The following ARK2C variants were observed in gnomAD, a reference collection of about 807,000 sequenced individuals.
ARK2C encodes E3 ubiquitin-protein ligase ARK2C.
the ARK2C span, among the ~76,000 whole-genome samples, chr18:46,425,173 G>A: frequency 6.6e-6 from 1 of 152,200 alleles, no homozygotes; most frequent in African/African-American, 2.4e-5. Context: ...CGGGAAACCT[G>A]ACACCTGAGA....
At chr18:46,443,436 C>T in the ARK2C span, among the ~76,000 whole-genome samples, 1 of 152,198 alleles carries the variant, frequency 6.6e-6, no homozygotes. Flanking sequence ...CAACAGCATA[C>T]TTCCATTACC....
At chr18:46,347,211 C>A in the ARK2C span, among the ~76,000 whole-genome samples, 2 of 152,228 alleles carry the variant, frequency 1.3e-5, no homozygotes, top group Admixed American at 1.3e-4. Flanking sequence ...CCCATGTAGG[C>A]CCAGATCTGA....
At chr18:46,452,280 T>C in the ARK2C span, among the ~76,000 whole-genome samples, 3 of 152,168 alleles carry the variant, frequency 2.0e-5, no homozygotes, top group African/African-American at 7.2e-5. Context: ...TTTTTGCTTA[T>C]TATTGTTATT....
the ARK2C span, among the ~76,000 whole-genome samples, chr18:46,342,061 G>C: frequency 6.6e-6 from 1 of 152,168 alleles, no homozygotes; most frequent in Non-Finnish European, 1.5e-5. Flanking sequence ...TCTGCAAAGA[G>C]GGGTTTTTTC....
At chr18:46,405,568 G>A in the ARK2C span, among the ~76,000 whole-genome samples, 1 of 152,156 alleles carries the variant, frequency 6.6e-6, no homozygotes, top group African/African-American at 2.4e-5. Context: ...GGGCGAAGGA[G>A]ACAGCGCAAG....
chr18:46,452,792 A>C, the ARK2C span, among the ~76,000 whole-genome samples: 2 of 152,106 alleles, frequency 1.3e-5, no homozygotes, highest in African/African-American at 4.8e-5. Context: ...CCTAGGGTGC[A>C]TTGGTCGAGA....
chr18:46,434,591 T>C, the ARK2C span, among the ~76,000 whole-genome samples: 2 of 152,170 alleles, frequency 1.3e-5, no homozygotes, highest in Admixed American at 6.5e-5. Context: ...CAAATAGCCT[T>C]ATAGTATTAT....
At chr18:46,456,520 C>T in the ARK2C span, 1 of 1,609,986 alleles carries the variant, frequency 6.2e-7, no homozygotes, top group Non-Finnish European at 8.5e-7. Flanking sequence ...CTCTTCCAGA[C>T]GCCTACCCTG....
At chr18:46,359,308 C>T in the ARK2C span, among the ~76,000 whole-genome samples, 11 of 152,086 alleles carry the variant, frequency 7.2e-5, no homozygotes, top group South Asian at 2.1e-4. Flanking sequence ...GTTCACAAAA[C>T]GATGAACGTG....
the ARK2C span, among the ~76,000 whole-genome samples, chr18:46,341,266 A>G: frequency 7.7e-6 from 1 of 130,280 alleles, no homozygotes; most frequent in Non-Finnish European, 1.6e-5. Flanking sequence ...CTGTTTAAAC[A>G]GTTTATTCTG....
At chr18:46,440,522 G>C in the ARK2C span, among the ~76,000 whole-genome samples, 1 of 152,086 alleles carries the variant, frequency 6.6e-6, no homozygotes, top group African/African-American at 2.4e-5. Context: ...GGAGAAACTA[G>C]TATATTTGGA....
chr18:46,370,570 C>G, the ARK2C span, among the ~76,000 whole-genome samples: 1 of 152,174 alleles, frequency 6.6e-6, no homozygotes, highest in African/African-American at 2.4e-5. Flanking sequence ...TGTGTCTGGT[C>G]CCAGGTGGCA....
chr18:46,378,188 T>C, the ARK2C span, among the ~76,000 whole-genome samples: 25,595 of 152,252 alleles, frequency 0.17, 2,636 homozygotes, highest in East Asian at 0.24. Flanking sequence ...TCAATTTATA[T>C]TGGGGAAGCA....
At chr18:46,415,344 C>A in the ARK2C span, among the ~76,000 whole-genome samples, 1 of 152,044 alleles carries the variant, frequency 6.6e-6, no homozygotes, top group Non-Finnish European at 1.5e-5. Flanking sequence ...CACGGTGAAA[C>A]CCCATCTCTA....
chr18:46,389,076 G>A, the ARK2C span, among the ~76,000 whole-genome samples: 1 of 152,160 alleles, frequency 6.6e-6, no homozygotes, highest in Non-Finnish European at 1.5e-5. Context: ...ATTGGAGGGG[G>A]AAGACAGGCT....
chr18:46,361,035 A>C, the ARK2C span, among the ~76,000 whole-genome samples: 1 of 152,236 alleles, frequency 6.6e-6, no homozygotes, highest in Non-Finnish European at 1.5e-5. Flanking sequence ...TTAAGACTCC[A>C]GCTAACCTCT....
chr18:46,439,894 G>A, the ARK2C span, among the ~76,000 whole-genome samples: 2 of 152,092 alleles, frequency 1.3e-5, no homozygotes, highest in African/African-American at 2.4e-5. Flanking sequence ...GAAGTGGCAC[G>A]ATCTTGGTTC....
the ARK2C span, among the ~76,000 whole-genome samples, chr18:46,393,111 T>C: frequency 2.6e-5 from 4 of 152,348 alleles, no homozygotes; most frequent in South Asian, 8.3e-4. Context: ...TCCTGCTGTC[T>C]GAGCTTCACA....
chr18:46,346,257 G>A, the ARK2C span, among the ~76,000 whole-genome samples: 3 of 152,220 alleles, frequency 2.0e-5, no homozygotes, highest in South Asian at 2.1e-4. Flanking sequence ...GATCTTCTGA[G>A]GGGGGCACAG....
Sources: allele counts gnomAD v4.1 joint callset (sites outside exome capture counted in the v4.1 genomes callset), GRCh38; gene constraint gnomAD v4.1.1; transcripts MANE v1.5; gene names NCBI Gene and HGNC (gene_info 2026-07-23, HGNC 2026-07-21).